The following CD8B2 variants were observed in gnomAD, a reference collection of about 807,000 sequenced individuals.
The protein encoded by CD8B2 is CD8B family member 2.
A neutral mutation model predicts 23.7 loss-of-function variants in CD8B2; 11 were observed. The ratio of observed to expected loss-of-function variants is 0.46; its 90% CI spans 0.29 to 0.77. The LOEUF (loss-of-function observed/expected upper bound fraction) is 0.77, where lower values mean the gene tolerates loss of function less well. Among genes scored for constraint, CD8B2 ranks in the 30% least tolerant of loss-of-function variants. The pLI is 0.09. For synonymous variants in CD8B2, 90 were observed against 109.3 expected (o/e 0.82, Z 1.10); for missense variants, 197 against 270.5 (o/e 0.73, Z 1.91).
intron 5 of CD8B2, among the ~76,000 whole-genome samples, chr2:106,518,475 C>A (rs183008726): frequency 1.1e-3 from 170 of 152,264 alleles, no homozygotes; most frequent in African/African-American, 3.9e-3. Context: ...GGAAGATGAA[C>A]TTTCTTTACT....
chr2:106,522,697 G>A (rs962162346), intron 5 of CD8B2, among the ~76,000 whole-genome samples: 6 of 152,270 alleles, frequency 3.9e-5, no homozygotes, highest in Admixed American at 2.0e-4. Context: ...GAGCCACTGG[G>A]ACTCACATAC....
chr2:106,519,367 G>A lies in CD8B2; in HGVS notation c.620+15042G>A, dbSNP rs115239018. Among the ~76,000 whole-genome samples the A allele has an allele frequency of 4.1e-3, 619 of 152,306 alleles. 3 individuals are homozygous for A. The highest frequency in any genetic ancestry group is 0.014 in the African/African-American group (582 of 41,562). On this transcript the variant is annotated intron_variant, in intron 5 of 5. Transcript: ENST00000416057. ...CTTCAGTGAAACTGTCTCCAGGGAA[G>A]AAACACATCCTTTGACTTCTGAGTC...
chr2:106,492,809 C>T (rs1388719462), intron 2 of CD8B2, among the ~76,000 whole-genome samples: 1 of 152,218 alleles, frequency 6.6e-6, no homozygotes, highest in African/African-American at 2.4e-5. Flanking sequence ...CTCTTGCTAG[C>T]CTGGGAGGGT....
chr2:106,489,208 GC>G (rs1679143051), intron 1 of CD8B2, among the ~76,000 whole-genome samples: 1 of 150,144 alleles, frequency 6.7e-6, no homozygotes, highest in African/African-American at 2.5e-5. Flanking sequence ...TCACTATGTT[GC>G]CCAGGCTGGT....
Position 106,507,002 on chromosome 2 carries a change from T to C in CD8B2, c.*62T>C. The C allele has an allele frequency of 6.5e-7, 1 of 1,540,902 alleles. No homozygotes were observed. The highest frequency in any genetic ancestry group is 8.7e-7 in the Non-Finnish European group (1 of 1,144,506). ...ACATCGGTCAGTAACGAGCACGATGTGGAAAAATGAGAGAAGGGACACATT... is the reference window on the plus strand; with the variant it reads ...ACATCGGTCAGTAACGAGCACGATGCGGAAAAATGAGAGAAGGGACACATT... On this transcript the variant is annotated 3_prime_UTR_variant, in exon 6 of 6. Coordinates refer to ENST00000643224, the MANE Select transcript of CD8B2 (RefSeq NM_001349727.2).
intron 2 of CD8B2, among the ~76,000 whole-genome samples, chr2:106,493,794 G>T (rs1315235209): frequency 6.6e-6 from 1 of 152,174 alleles, no homozygotes; most frequent in African/African-American, 2.4e-5. Flanking sequence ...GCAGATACTG[G>T]CTCTGCAGCC....
intron 3 of CD8B2, among the ~76,000 whole-genome samples, chr2:106,497,965 A>G (rs1365728987): frequency 2.0e-5 from 3 of 152,150 alleles, no homozygotes; most frequent in African/African-American, 7.2e-5. Flanking sequence ...CCCCAACCCC[A>G]GTGATAGAAA....
chr2:106,490,116 G>A (rs6720190), intron 1 of CD8B2, among the ~76,000 whole-genome samples: 2 of 151,876 alleles, frequency 1.3e-5, no homozygotes, highest in South Asian at 2.1e-4. Flanking sequence ...GTCCAGCAAC[G>A]GACAGACCAG....
intron 5 of CD8B2, among the ~76,000 whole-genome samples, chr2:106,536,288 T>C (rs1680088192): frequency 6.6e-6 from 1 of 152,074 alleles, no homozygotes; most frequent in South Asian, 2.1e-4. Flanking sequence ...TGCCTTGGCC[T>C]CCCAAAGTGC....
At chr2:106,540,045 G>T (rs542235694) in intron 5 of CD8B2, among the ~76,000 whole-genome samples, 2 of 152,096 alleles carry the variant, frequency 1.3e-5, no homozygotes, top group African/African-American at 4.8e-5. Flanking sequence ...AAGTTAGGGT[G>T]GATGTTATAT....
chr2:106,499,495 G>A (rs1389412821), intron 3 of CD8B2, among the ~76,000 whole-genome samples: 1 of 142,120 alleles, frequency 7.0e-6, no homozygotes, highest in East Asian at 2.1e-4. Flanking sequence ...TCACGCCATT[G>A]CACTTCAGCC....
chr2:106,513,100 T>C (rs6543416), downstream of CD8B2, among the ~76,000 whole-genome samples: 120,247 of 150,928 alleles, frequency 0.8, 47,921 homozygotes, highest in East Asian at 0.83. Context: ...CAGCACCTCC[T>C]CTGCTGGCTC....
At chr2:106,495,268 G>A (rs556838643) in intron 2 of CD8B2, among the ~76,000 whole-genome samples, 5 of 150,106 alleles carry the variant, frequency 3.3e-5, no homozygotes, top group South Asian at 4.3e-4. Context: ...GCGGTGGCTC[G>A]TACCTGTAAT....
At chr2:106,506,429 T>C (rs1265718386) in intron 5 of CD8B2, among the ~76,000 whole-genome samples, 1 of 152,198 alleles carries the variant, frequency 6.6e-6, no homozygotes, top group East Asian at 1.9e-4. Flanking sequence ...TGTCTGGGTT[T>C]ACACTTACCT....
intron 5 of CD8B2, among the ~76,000 whole-genome samples, chr2:106,525,770 C>CT (rs200173645): frequency 0.017 from 2,526 of 152,226 alleles, 28 homozygotes; most frequent in Non-Finnish European, 0.026. Flanking sequence ...ATTTTCAAAG[C>CT]TTATCCACAT....
Position 106,507,259 on chromosome 2 carries a change from G to A in CD8B2, c.*319G>A. The A allele has an allele frequency of 8.6e-7, 1 of 1,158,392 alleles. No homozygotes were observed. Among genetic ancestry groups the A allele is most frequent in the Non-Finnish European group, 1.1e-6 (1 of 938,792 alleles). The allele number at this position is 1,158,392 out of a possible 1,614,324, so 71.8% of individuals were successfully genotyped here. A position where few individuals can be genotyped will look rare whatever the true frequency, so the allele number is the denominator to read the frequency against. On this transcript the variant is annotated 3_prime_UTR_variant, in exon 6 of 6. Coordinates refer to ENST00000643224, the MANE Select transcript of CD8B2 (RefSeq NM_001349727.2). Reference sequence around the variant, plus strand: ...CTTTCCCTGAGCTGGGACCTTTAGTGGTGGCCGTTTAGCCACCATCTTTGC... The same window carrying A: ...CTTTCCCTGAGCTGGGACCTTTAGTAGTGGCCGTTTAGCCACCATCTTTGC...
downstream of CD8B2, among the ~76,000 whole-genome samples, chr2:106,513,962 T>C (rs892050355): frequency 6.6e-6 from 1 of 151,926 alleles, no homozygotes; most frequent in African/African-American, 2.4e-5. Context: ...CAGGCTTTGG[T>C]TGAAGTCCTT....
At chr2:106,525,331 T>C (rs1235059559) in intron 5 of CD8B2, among the ~76,000 whole-genome samples, 1 of 152,146 alleles carries the variant, frequency 6.6e-6, no homozygotes, top group Non-Finnish European at 1.5e-5. Flanking sequence ...TTGCTCACCT[T>C]CCCTATGGGC....
intron 5 of CD8B2, among the ~76,000 whole-genome samples, chr2:106,536,353 A>G (rs191505522): frequency 1.3e-5 from 2 of 152,258 alleles, no homozygotes; most frequent in East Asian, 3.9e-4. Flanking sequence ...TTAAACAACT[A>G]GATCTCCTGA....
Sources: allele counts gnomAD v4.1 joint callset (sites outside exome capture counted in the v4.1 genomes callset), GRCh38; gene constraint gnomAD v4.1.1; transcripts MANE v1.5; gene names NCBI Gene and HGNC (gene_info 2026-07-23, HGNC 2026-07-21).